WDR72: variants seen among roughly 807,000 people sequenced by gnomAD.
WDR72 encodes the protein WD repeat-containing protein 72.
WDR72 carries 120 observed loss-of-function variants against 124.2 expected under a neutral mutation model. The ratio of observed to expected loss-of-function variants is 0.97; its 90% confidence interval spans 0.83 to 1.12. The LOEUF (loss-of-function observed/expected upper bound fraction) is 1.12. Among genes scored for constraint, WDR72 ranks in the 50% most tolerant of loss-of-function variants. WDR72 has a pLI of 0.00. For missense variants in WDR72, 1,387 were observed against 1,278.8 expected (o/e 1.08, Z -1.29); for synonymous variants, 452 against 441.7 (o/e 1.02, Z -0.29).
At chr15:53,549,804 G>A (rs1425961386) in intron 18 of WDR72, among the ~76,000 whole-genome samples, 1 of 152,142 alleles carries the variant, frequency 6.6e-6, no homozygotes, top group African/African-American at 2.4e-5. Context: ...TAGATCAAAG[G>A]TGATCTGTTG....
At chr15:53,571,417 G>C (rs560807462) in intron 18 of WDR72, among the ~76,000 whole-genome samples, 1 of 152,030 alleles carries the variant, frequency 6.6e-6, no homozygotes, top group South Asian at 2.1e-4. Flanking sequence ...CCTATTCTCT[G>C]CTTCTGTGAG....
At chr15:53,677,173 G>A (rs2016204155) in intron 13 of WDR72, among the ~76,000 whole-genome samples, 2 of 152,006 alleles carry the variant, frequency 1.3e-5, no homozygotes, top group Admixed American at 1.3e-4. Flanking sequence ...ACCCGCCTTG[G>A]CCTCCCAAAG....
intron 14 of WDR72, among the ~76,000 whole-genome samples, chr15:53,639,598 T>TA (rs1194556848): frequency 2.8e-5 from 3 of 107,126 alleles, no homozygotes; most frequent in Non-Finnish European, 6.4e-5. Flanking sequence ...TTATATAAAA[T>TA]AAAAAAATTC....
At position 53,706,075 on chromosome 15, in the gene WDR72, C is replaced by T. The variant is rs746472186; in HGVS notation, c.955-1G>A. 1.9e-6 allele frequency: 3 copies of T among 1,613,750 alleles called. No individual in the cohort carries two copies. Among genetic ancestry groups the T allele is most frequent in the Non-Finnish European group, 2.5e-6 (3 of 1,179,948 alleles). On this transcript the variant is annotated splice_acceptor_variant, in intron 9 of 19. Coordinates refer to ENST00000360509, the MANE Select transcript of WDR72 (RefSeq NM_182758.4). LOFTEE classifies it high-confidence loss of function. ...CCATAACAAAGGGACGGCTCTGTTC[C>T]TAAACAAAAAGTGAGCTTTTATGTA... is the stretch of plus-strand genomic sequence containing the variant.
Position 53,533,355 on chromosome 15 carries a change from C to G in WDR72, c.3149-10033G>C, listed in dbSNP as rs572670775. Among the ~76,000 whole-genome samples, 14 of 141,152 alleles carry G rather than the reference C, an allele frequency of 9.9e-5. No individual in the cohort carries two copies. The South Asian group carries it at 2.8e-3, about 28-fold the overall frequency. 92.6% of individuals were successfully genotyped at this position (141,152 alleles called of 152,430 possible). On this transcript the variant is annotated intron_variant, in intron 18 of 19. Transcript: ENST00000360509. ...TATATATACCTATGACTGTCATTTTCTCATTTCCCATTCCTTCAACCCATT... is the reference window on the plus strand; with the variant it reads ...TATATATACCTATGACTGTCATTTTGTCATTTCCCATTCCTTCAACCCATT...
intron 14 of WDR72, 53 bp downstream of exon 14, chr15:53,665,519 T>G (rs2015747060): frequency 6.2e-7 from 1 of 1,603,568 alleles, no homozygotes; most frequent in Non-Finnish European, 8.5e-7. Context: ...TGCATATAAC[T>G]TCTTATTCGG....
intron 14 of WDR72, among the ~76,000 whole-genome samples, chr15:53,637,030 C>T (rs1178393386): frequency 6.6e-6 from 1 of 152,156 alleles, no homozygotes; most frequent in Non-Finnish European, 1.5e-5. Flanking sequence ...GCCACTCCCA[C>T]CATTAACCTA....
intron 17 of WDR72, among the ~76,000 whole-genome samples, chr15:53,606,457 C>T (rs2013286693): frequency 6.6e-6 from 1 of 152,156 alleles, no homozygotes; most frequent in South Asian, 2.1e-4. Context: ...TTCTGCTTTT[C>T]TGGGCATTGG....
chr15:53,693,096 C>G (rs2016892922), intron 13 of WDR72, among the ~76,000 whole-genome samples: 1 of 152,150 alleles, frequency 6.6e-6, no homozygotes, highest in Non-Finnish European at 1.5e-5. Flanking sequence ...ACAAGACTGT[C>G]AACACAACAT....
upstream of WDR72, among the ~76,000 whole-genome samples, chr15:53,761,082 C>T (rs1376018150): frequency 6.6e-6 from 1 of 152,072 alleles, no homozygotes; most frequent in Non-Finnish European, 1.5e-5. Context: ...TGAGATCACA[C>T]CACTGCACTC....
chr15:53,612,347 G>A (rs955123412), intron 16 of WDR72, among the ~76,000 whole-genome samples: 1 of 152,088 alleles, frequency 6.6e-6, no homozygotes, highest in African/African-American at 2.4e-5. Context: ...AGTAACAGAT[G>A]TCAGATAGAT....
At chr15:53,616,339 T>C (rs1595796331) in intron 14 of WDR72, 96 bp from the exon 15 acceptor site, 2 of 1,026,450 alleles carry the variant, frequency 1.9e-6, no homozygotes, top group East Asian at 5.1e-5. Context: ...AGTATTACAT[T>C]GCAGAGCAGC....
At chr15:53,731,699 C>T (rs988970203) in intron 2 of WDR72, among the ~76,000 whole-genome samples, 1 of 151,804 alleles carries the variant, frequency 6.6e-6, no homozygotes, top group Non-Finnish European at 1.5e-5. Flanking sequence ...TGCCTTATAT[C>T]ATAACTGTGC....
At chr15:53,549,978 G>C (rs913621761) in intron 18 of WDR72, among the ~76,000 whole-genome samples, 1 of 152,098 alleles carries the variant, frequency 6.6e-6, no homozygotes, top group African/African-American at 2.4e-5. Flanking sequence ...TTTCCTGAGT[G>C]AACTTTTGGT....
intron 18 of WDR72, among the ~76,000 whole-genome samples, chr15:53,589,526 T>C (rs1426228046): frequency 6.6e-6 from 1 of 150,914 alleles, no homozygotes; most frequent in Non-Finnish European, 1.5e-5. Context: ...ACCTGATCCC[T>C]GTCCTTGAAG....
At chr15:53,691,053 A>C (rs118102788) in intron 13 of WDR72, among the ~76,000 whole-genome samples, 1 of 152,236 alleles carries the variant, frequency 6.6e-6, no homozygotes, top group Non-Finnish European at 1.5e-5. Flanking sequence ...CTGAAGAATA[A>C]TGATGTTGAT....
intron 18 of WDR72, among the ~76,000 whole-genome samples, chr15:53,528,109 G>A (rs936019455): frequency 6.6e-6 from 1 of 151,990 alleles, no homozygotes; most frequent in African/African-American, 2.4e-5. Flanking sequence ...ATGTTAAGTG[G>A]TAACACTAAA....
At chr15:53,523,975 A>C (rs1364418632) in intron 18 of WDR72, among the ~76,000 whole-genome samples, 1 of 152,086 alleles carries the variant, frequency 6.6e-6, no homozygotes, top group African/African-American at 2.4e-5. Flanking sequence ...CAGAAGTCCA[A>C]AATTTTCTAT....
At chr15:53,594,215 G>C (rs1418325641) in intron 18 of WDR72, among the ~76,000 whole-genome samples, 1 of 151,644 alleles carries the variant, frequency 6.6e-6, no homozygotes, top group African/African-American at 2.4e-5. Context: ...TAGCATAAAA[G>C]AAGTTTGAGT....
Sources: allele counts gnomAD v4.1 joint callset (sites outside exome capture counted in the v4.1 genomes callset), GRCh38; gene constraint gnomAD v4.1.1; transcripts MANE v1.5; gene names NCBI Gene and HGNC (gene_info 2026-07-23, HGNC 2026-07-21).